The following INO80D variants were observed in gnomAD, a reference collection of about 807,000 sequenced individuals.
The protein encoded by INO80D is INO80 complex subunit D.
INO80D carries 21 observed loss-of-function variants against 87.6 expected under a neutral mutation model. The ratio of observed to expected loss-of-function variants is 0.24; its 90% CI spans 0.17 to 0.35. The LOEUF (loss-of-function observed/expected upper bound fraction) is 0.35. Among genes scored for constraint, INO80D ranks in the 10% least tolerant of loss-of-function variants. The probability of loss-of-function intolerance (pLI) is 1.00; values close to 1 mark genes in which losing one functional copy is unlikely to be tolerated. For synonymous variants in INO80D, 440 were observed against 491.0 expected (o/e 0.90, Z 1.37); for missense variants, 982 against 1,280.7 (o/e 0.77, Z 3.56).
intron 10 of INO80D, among the ~76,000 whole-genome samples, chr2:206,007,037 C>G (rs1688045155): frequency 1.3e-5 from 2 of 152,214 alleles, no homozygotes; most frequent in Non-Finnish European, 2.9e-5. Context: ...CAGAGTGAGA[C>G]TCTGTCTCCA....
At chr2:206,068,714 T>C (rs1689883578) in intron 1 of INO80D, among the ~76,000 whole-genome samples, 1 of 152,190 alleles carries the variant, frequency 6.6e-6, no homozygotes, top group South Asian at 2.1e-4. Flanking sequence ...CTTTTCTTTT[T>C]TTTGAGACAG....
intron 7 of INO80D, among the ~76,000 whole-genome samples, chr2:206,018,120 A>C (rs896046129): frequency 6.6e-6 from 1 of 152,116 alleles, no homozygotes; most frequent in African/African-American, 2.4e-5. Flanking sequence ...AACTCCACTT[A>C]AAGTTCCACT....
intron 3 of INO80D, among the ~76,000 whole-genome samples, chr2:206,059,134 A>T (rs1363343321): frequency 6.6e-6 from 1 of 152,036 alleles, no homozygotes; most frequent in Non-Finnish European, 1.5e-5. Flanking sequence ...TAATCCCAGC[A>T]CTTTGGGAGG....
chr2:206,072,013 T>C (rs1018337534), intron 1 of INO80D, among the ~76,000 whole-genome samples: 1 of 152,114 alleles, frequency 6.6e-6, no homozygotes, highest in African/African-American at 2.4e-5. Flanking sequence ...ACAAAACTGG[T>C]AGGACTGCAC....
intron 1 of INO80D, among the ~76,000 whole-genome samples, chr2:206,073,236 C>T (rs1690021815): frequency 1.3e-5 from 2 of 152,164 alleles, no homozygotes; most frequent in South Asian, 2.1e-4. Flanking sequence ...ATAAACTTCT[C>T]CTTTTTAAAT....
chr2:206,072,934 C>G (rs1559464878), intron 1 of INO80D, among the ~76,000 whole-genome samples: 1 of 151,206 alleles, frequency 6.6e-6, no homozygotes, highest in Admixed American at 6.6e-5. Flanking sequence ...AGCTCCTGGG[C>G]TCAATTGATC....
At chr2:206,023,509 C>G (rs747890001) in intron 6 of INO80D, among the ~76,000 whole-genome samples, 1 of 151,692 alleles carries the variant, frequency 6.6e-6, no homozygotes, top group Non-Finnish European at 1.5e-5. Context: ...TAGTGAAACC[C>G]CGTCTCCACT....
Position 205,997,115 on chromosome 2 carries a change from T to C in INO80D, c.*7253A>G, listed in dbSNP as rs1014625347. 63 of 152,250 alleles carry C rather than the reference T, an allele frequency of 4.1e-4. No homozygotes were observed. The highest frequency in any genetic ancestry group is 1.5e-3 in the African/African-American group (62 of 41,576). 9.4% of individuals were successfully genotyped at this position (152,250 alleles called of 1,614,324 possible). The stretch of plus-strand genomic sequence containing the variant: ...ATTTCAAAGTACATGATTTTTTAAG[T>C]ATTAAAAATAAATGTCATTGGAACA... On this transcript the variant is annotated 3_prime_UTR_variant, in exon 11 of 11. Transcript: ENST00000403263.
chr2:206,079,102 T>C (rs1365339493), intron 1 of INO80D, among the ~76,000 whole-genome samples: 2 of 152,014 alleles, frequency 1.3e-5, no homozygotes. Context: ...AGTTAAGTTC[T>C]CCCTTTGCCA....
intron 8 of INO80D, among the ~76,000 whole-genome samples, chr2:206,010,937 G>T (rs557727282): frequency 6.0e-4 from 92 of 152,138 alleles, no homozygotes; most frequent in African/African-American, 2.1e-3. Flanking sequence ...AATTAGCCAG[G>T]CCTGGTGACA....
chr2:206,071,319 T>G (rs1162277191), intron 1 of INO80D, among the ~76,000 whole-genome samples: 3 of 105,140 alleles, frequency 2.9e-5, no homozygotes, highest in Non-Finnish European at 5.4e-5. Context: ...TTTTTTTTTT[T>G]AAGAGATGAG....
intron 5 of INO80D, among the ~76,000 whole-genome samples, chr2:206,040,244 C>G (rs115379149): frequency 0.027 from 3,981 of 148,272 alleles, 85 homozygotes; most frequent in South Asian, 0.042. Context: ...CTAAATCTCA[C>G]CACTGCACTC....
intron 1 of INO80D, among the ~76,000 whole-genome samples, chr2:206,069,834 A>C (rs1689912801): frequency 6.6e-6 from 1 of 152,136 alleles, no homozygotes; most frequent in Non-Finnish European, 1.5e-5. Flanking sequence ...TCTACATTTA[A>C]ATTTATTCAA....
Position 206,005,214 on chromosome 2 carries a change from T to G in INO80D, c.2238A>C (p.Thr746=). The change falls in exon 11 of 11, where the codon ACA becomes ACC. Residue 746 remains threonine (T), a synonymous_variant. Coordinates refer to ENST00000403263, the MANE Select transcript of INO80D (RefSeq NM_017759.5). Reference sequence around the variant, plus strand: ...GCCCCTGGATCTGCCCTGCCAGGGGTGTAGGTGGGTTTGACAAGGTAGCAG... The same window carrying G: ...GCCCCTGGATCTGCCCTGCCAGGGGGGTAGGTGGGTTTGACAAGGTAGCAG... ...LRSATLSNPP[T]PLAGQIQGQF... The G allele has an allele frequency of 6.2e-7, 1 of 1,613,748 alleles. No individual in the cohort carries two copies. Among genetic ancestry groups the G allele is most frequent in the Non-Finnish European group, 8.5e-7 (1 of 1,179,836 alleles).
intron 9 of INO80D, among the ~76,000 whole-genome samples, chr2:206,008,789 C>T (rs541588049): frequency 8.5e-5 from 13 of 152,300 alleles, no homozygotes; most frequent in African/African-American, 2.9e-4. Flanking sequence ...CAATGAATCA[C>T]AATTTGGTGT....
rs985735692 is a variant in INO80D, at chr2:205,997,536, C to A, written c.*6832G>T. On this transcript the variant is annotated 3_prime_UTR_variant, in exon 11 of 11. Coordinates refer to ENST00000403263, the MANE Select transcript of INO80D (RefSeq NM_017759.5). ...TTTTCTTACTCGAATATAAAGAAAT[C>A]TATAATTAACATAAAAAAGATTCAA... 3 of 151,958 alleles carry A rather than the reference C, an allele frequency of 2.0e-5. No individual in the cohort carries two copies. The highest frequency in any genetic ancestry group is 2.0e-4 in the Admixed American group (3 of 15,250). The allele number at this position is 151,958 out of a possible 1,614,324, so 9.4% of individuals were successfully genotyped here.
At chr2:206,053,246 T>G (rs1689423045) in intron 4 of INO80D, among the ~76,000 whole-genome samples, 1 of 152,116 alleles carries the variant, frequency 6.6e-6, no homozygotes, top group Admixed American at 6.6e-5. Flanking sequence ...CTACGACAGT[T>G]TATAAGGACA....
chr2:206,072,588 A>T (rs1427646325), intron 1 of INO80D, among the ~76,000 whole-genome samples: 1 of 151,868 alleles, frequency 6.6e-6, no homozygotes, highest in East Asian at 1.9e-4. Flanking sequence ...TAATTCATAT[A>T]TTTTGATTAC....
At chr2:206,073,383 A>G (rs1449405509) in intron 1 of INO80D, among the ~76,000 whole-genome samples, 1 of 152,116 alleles carries the variant, frequency 6.6e-6, no homozygotes, top group African/African-American at 2.4e-5. Flanking sequence ...CATCACTTTC[A>G]CTCTTTGGCA....
Sources: gnomAD v4.1 joint callset for allele counts (sites outside exome capture counted in the v4.1 genomes callset) on GRCh38, gnomAD v4.1.1 for gene constraint, MANE v1.5 for transcripts, NCBI Gene and HGNC (gene_info 2026-07-23, HGNC 2026-07-21) for gene names.